Variants in SLC9A9 observed in about 807,000 individuals in gnomAD.
SLC9A9 encodes solute carrier family 9 member A9.
In SLC9A9, 62 loss-of-function variants were observed where a neutral mutation model predicts 77.8. The ratio of observed to expected loss-of-function variants is 0.80; its 90% CI spans 0.65 to 0.98. The LOEUF (loss-of-function observed/expected upper bound fraction) is 0.98. Among genes scored for constraint, SLC9A9 ranks in the 50% least tolerant of loss-of-function variants. The pLI is 0.00. For synonymous variants in SLC9A9, 320 were observed against 283.5 expected (o/e 1.13, Z -1.29); for missense variants, 775 against 774.9 (o/e 1.00, Z 0.00).
At chr3:143,772,257 C>G (rs1252207937) in intron 4 of SLC9A9, among the ~76,000 whole-genome samples, 1 of 152,124 alleles carries the variant, frequency 6.6e-6, no homozygotes, top group African/African-American at 2.4e-5. Flanking sequence ...CAACCAAGAG[C>G]AGAGGGCTCT....
chr3:143,431,627 A>G (rs1262827335), intron 12 of SLC9A9, among the ~76,000 whole-genome samples: 1 of 151,510 alleles, frequency 6.6e-6, no homozygotes. Flanking sequence ...GACTACAGGC[A>G]CCCGCCACCA....
At chr3:143,453,568 T>C (rs1412433610) in intron 12 of SLC9A9, among the ~76,000 whole-genome samples, 2 of 152,280 alleles carry the variant, frequency 1.3e-5, no homozygotes, top group Non-Finnish European at 2.9e-5. Context: ...GAAAACTGTA[T>C]GATTATCTCA....
intron 6 of SLC9A9, among the ~76,000 whole-genome samples, chr3:143,593,868 GA>G (rs2037704830): frequency 6.6e-6 from 1 of 152,178 alleles, no homozygotes; most frequent in South Asian, 2.1e-4. Flanking sequence ...GGAAAAGTAT[GA>G]TAAACCCCAC....
intron 4 of SLC9A9, among the ~76,000 whole-genome samples, chr3:143,712,005 CT>C (rs1934209679): frequency 6.6e-6 from 1 of 152,200 alleles, no homozygotes; most frequent in Admixed American, 6.5e-5. Context: ...TACTCTTCAT[CT>C]ATGGCCCTGC....
intron 14 of SLC9A9, among the ~76,000 whole-genome samples, chr3:143,309,989 G>C (rs1284972218): frequency 6.6e-6 from 1 of 152,206 alleles, no homozygotes; most frequent in Non-Finnish European, 1.5e-5. Flanking sequence ...CTTTTTAAGT[G>C]ATTTATTTTT....
chr3:143,523,339 T>C (rs1409562386), intron 9 of SLC9A9, among the ~76,000 whole-genome samples: 1 of 152,166 alleles, frequency 6.6e-6, no homozygotes, highest in Non-Finnish European at 1.5e-5. Flanking sequence ...AAATAGCTTT[T>C]TGTCTTTTAC....
intron 14 of SLC9A9, among the ~76,000 whole-genome samples, chr3:143,312,571 T>C (rs1472442062): frequency 1.3e-5 from 2 of 152,230 alleles, no homozygotes; most frequent in Non-Finnish European, 2.9e-5. Context: ...CCTGCTTTTC[T>C]TTCTAGTAGC....
chr3:143,618,334 C>A (rs1373288352), intron 6 of SLC9A9, among the ~76,000 whole-genome samples: 1 of 152,086 alleles, frequency 6.6e-6, no homozygotes, highest in Non-Finnish European at 1.5e-5. Flanking sequence ...TAGAGAGGGT[C>A]TTTGGAAGGG....
intron 2 of SLC9A9, among the ~76,000 whole-genome samples, chr3:143,820,503 C>T (rs765407737): frequency 2.9e-4 from 44 of 152,196 alleles, no homozygotes; most frequent in Non-Finnish European, 5.9e-4. Context: ...GCCCAAACTC[C>T]AGGCCTTCTC....
At chr3:143,776,188 T>C (rs1302832446) in intron 4 of SLC9A9, among the ~76,000 whole-genome samples, 1 of 152,226 alleles carries the variant, frequency 6.6e-6, no homozygotes, top group Non-Finnish European at 1.5e-5. Context: ...TATGTGTTTA[T>C]TTAAAATATT....
chr3:143,803,520 G>C (rs935280525), intron 2 of SLC9A9, among the ~76,000 whole-genome samples: 1 of 152,076 alleles, frequency 6.6e-6, no homozygotes, highest in African/African-American at 2.4e-5. Flanking sequence ...GTTGTCTCCT[G>C]GTGCTATCCC....
At chr3:143,725,023 C>T (rs550075753) in intron 4 of SLC9A9, among the ~76,000 whole-genome samples, 2 of 152,296 alleles carry the variant, frequency 1.3e-5, no homozygotes, top group Middle Eastern at 3.4e-3. Flanking sequence ...CTCCTGCCCC[C>T]AGCCCCCCCA....
At chr3:143,770,059 C>T (rs1405264634) in intron 4 of SLC9A9, among the ~76,000 whole-genome samples, 1 of 152,006 alleles carries the variant, frequency 6.6e-6, no homozygotes, top group African/African-American at 2.4e-5. Context: ...TTGCTTATAC[C>T]ATTTCATATT....
intron 9 of SLC9A9, among the ~76,000 whole-genome samples, chr3:143,536,433 T>C (rs1388562810): frequency 6.6e-6 from 1 of 152,228 alleles, no homozygotes; most frequent in African/African-American, 2.4e-5. Context: ...TATTAGTCCA[T>C]AAATATTAAC....
chr3:143,814,921 G>A (rs1303334150), intron 2 of SLC9A9, among the ~76,000 whole-genome samples: 1 of 152,166 alleles, frequency 6.6e-6, no homozygotes, highest in Non-Finnish European at 1.5e-5. Context: ...TGGCAAGGTA[G>A]GAACAGTGGG....
chr3:143,685,171 T>A (rs1933224051), intron 5 of SLC9A9, among the ~76,000 whole-genome samples: 2 of 152,124 alleles, frequency 1.3e-5, no homozygotes, highest in African/African-American at 2.4e-5. Context: ...TATAGGATAT[T>A]TTATTTAACT....
chr3:143,797,664 C>G (rs934704549), intron 2 of SLC9A9, among the ~76,000 whole-genome samples: 40 of 152,092 alleles, frequency 2.6e-4, no homozygotes, highest in African/African-American at 9.7e-4. Flanking sequence ...CCTGCCTTAA[C>G]TGATGACATT....
At chr3:143,493,272 G>A (rs947551555) in intron 11 of SLC9A9, among the ~76,000 whole-genome samples, 1 of 152,168 alleles carries the variant, frequency 6.6e-6, no homozygotes, top group Non-Finnish European at 1.5e-5. Flanking sequence ...CACTGGATAA[G>A]GGGCATTGGA....
intron 1 of SLC9A9, among the ~76,000 whole-genome samples, chr3:143,839,642 T>A (rs1173081242): frequency 6.6e-6 from 1 of 152,044 alleles, no homozygotes; most frequent in Non-Finnish European, 1.5e-5. Flanking sequence ...ATATACACAA[T>A]GTACACACTT....
Sources: allele counts gnomAD v4.1 joint callset (sites outside exome capture counted in the v4.1 genomes callset), GRCh38; gene constraint gnomAD v4.1.1; transcripts MANE v1.5; gene names NCBI Gene and HGNC (gene_info 2026-07-23, HGNC 2026-07-21).